Variants in TMEM163 observed in about 807,000 individuals in gnomAD.
TMEM163 encodes transmembrane protein 163.
Under a neutral mutation model 29.3 loss-of-function variants are expected in TMEM163, and 17 were observed. The ratio of observed to expected loss-of-function variants is 0.58; its 90% CI spans 0.40 to 0.87. The LOEUF (loss-of-function observed/expected upper bound fraction) is 0.87. TMEM163 is among the 40% of genes least tolerant of loss of function. The pLI is 0.00. For missense variants in TMEM163, 303 were observed against 381.5 expected, an observed-to-expected ratio of 0.79 and a Z score of 1.71; for synonymous variants, 157 against 160.6, an observed-to-expected ratio of 0.98 and a Z score of 0.17.
chr2:134,567,552 A>G (rs1486365232), intron 2 of TMEM163, among the ~76,000 whole-genome samples: 4 of 152,080 alleles, frequency 2.6e-5, no homozygotes, highest in Non-Finnish European at 5.9e-5. Flanking sequence ...TTAGCCGAGT[A>G]TGGTGGCACA....
chr2:134,691,420 A>G (rs1574342467), intron 2 of TMEM163, among the ~76,000 whole-genome samples: 2 of 152,328 alleles, frequency 1.3e-5, no homozygotes, highest in Middle Eastern at 3.4e-3. Flanking sequence ...TTTCTCAGCC[A>G]TGAAGCTGAT....
At chr2:134,482,216 A>G (rs1030891006) in intron 5 of TMEM163, among the ~76,000 whole-genome samples, 1 of 152,132 alleles carries the variant, frequency 6.6e-6, no homozygotes. Flanking sequence ...GGTGTTGCTC[A>G]CAGAAAAACC....
chr2:134,516,212 G>T (rs1176584561), intron 4 of TMEM163, among the ~76,000 whole-genome samples: 1 of 152,116 alleles, frequency 6.6e-6, no homozygotes, highest in Non-Finnish European at 1.5e-5. Context: ...TAAATAAGAT[G>T]GGTAGGCACA....
At chr2:134,549,794 C>T (rs577543548) in intron 4 of TMEM163, among the ~76,000 whole-genome samples, 306 of 152,290 alleles carry the variant, frequency 2.0e-3, no homozygotes, top group Admixed American at 3.9e-3. Flanking sequence ...ATACATATAA[C>T]TGCATGCACA....
chr2:134,526,231 CT>C (rs1179799503), intron 4 of TMEM163, among the ~76,000 whole-genome samples: 1 of 152,170 alleles, frequency 6.6e-6, no homozygotes, highest in Non-Finnish European at 1.5e-5. Context: ...GGAGTTTTTC[CT>C]TCTTTTTAAT....
At chr2:134,541,772 G>GCACACACA (rs57326163) in intron 4 of TMEM163, among the ~76,000 whole-genome samples, 1 of 149,990 alleles carries the variant, frequency 6.7e-6, no homozygotes, top group Non-Finnish European at 1.5e-5. Flanking sequence ...GTACACACGT[G>GCACACACA]CACACACACA....
chr2:134,645,451 C>G (rs1683314747), intron 2 of TMEM163, among the ~76,000 whole-genome samples: 1 of 152,176 alleles, frequency 6.6e-6, no homozygotes, highest in African/African-American at 2.4e-5. Flanking sequence ...TGGCCCTTTA[C>G]AGAAAAAGTT....
intron 4 of TMEM163, among the ~76,000 whole-genome samples, chr2:134,536,024 T>C (rs547907124): frequency 1.3e-5 from 2 of 152,254 alleles, no homozygotes; most frequent in East Asian, 3.9e-4. Flanking sequence ...CGCCCAGCCT[T>C]GTTTGTATGT....
Position 134,629,456 on chromosome 2 carries a change from T to C in TMEM163, c.323-77365A>G, listed in dbSNP as rs1285262632. 2.6e-5 allele frequency among the ~76,000 whole-genome samples: 4 copies of C among 152,214 alleles called. No homozygotes were observed. The East Asian group carries it at 7.7e-4, about 29-fold the overall frequency. ...TGTAACAGTATTAATATATTAATGATATAATTTTTGTAGATTAGAAGATCT... is the reference window on the plus strand; with the variant it reads ...TGTAACAGTATTAATATATTAATGACATAATTTTTGTAGATTAGAAGATCT... On this transcript the variant is annotated intron_variant, in intron 2 of 7. Transcript: ENST00000281924.
At chr2:134,474,709 G>C (rs142020687) in intron 5 of TMEM163, among the ~76,000 whole-genome samples, 1 of 152,112 alleles carries the variant, frequency 6.6e-6, no homozygotes, top group Non-Finnish European at 1.5e-5. Flanking sequence ...AAACTCAACT[G>C]TATTTCTGTA....
chr2:134,500,931 A>G (rs1039120839), intron 5 of TMEM163, among the ~76,000 whole-genome samples: 2 of 152,200 alleles, frequency 1.3e-5, no homozygotes, highest in Non-Finnish European at 2.9e-5. Context: ...GTGAACAATA[A>G]TATACTATAT....
rs576512387 is a variant in TMEM163 at position 134,530,475 on chromosome 2, C to T, written c.458+20095G>A. 2.6e-4 allele frequency among the ~76,000 whole-genome samples: 39 copies of T among 152,246 alleles called. 1 individual carries two copies. In the East Asian group the frequency reaches 6.8e-3, roughly 26 times the overall value. On this transcript the variant is annotated intron_variant, in intron 4 of 7. Transcript: ENST00000281924. ...CATTTTTTGTAGAGACAGGGTCTCA[C>T]TGTGTTGCCCAGACTGGTCTCAAAC... is the stretch of plus-strand genomic sequence containing the variant.
chr2:134,701,369 C>G (rs1229647009), intron 2 of TMEM163, among the ~76,000 whole-genome samples: 1 of 152,124 alleles, frequency 6.6e-6, no homozygotes, highest in Admixed American at 6.5e-5. Flanking sequence ...TCAGGACACC[C>G]AATAAAACAG....
chr2:134,700,941 A>AATAAATAAATAAATAAATACATAAATAC (rs371684167), intron 2 of TMEM163, among the ~76,000 whole-genome samples: 247 of 146,410 alleles, frequency 1.7e-3, no homozygotes, highest in Admixed American at 2.6e-3. Context: ...TAAATAAATA[A>AATAAATAAATAAATAAATACATAAATAC]ATAAATAAAG....
chr2:134,716,391 G>C (rs73958807), intron 1 of TMEM163, among the ~76,000 whole-genome samples: 2 of 152,098 alleles, frequency 1.3e-5, no homozygotes, highest in African/African-American at 4.8e-5. Flanking sequence ...TTTCTAAGGC[G>C]CAAATGCCTC....
At chr2:134,513,769 T>C (rs986421678) in intron 4 of TMEM163, among the ~76,000 whole-genome samples, 24 of 152,144 alleles carry the variant, frequency 1.6e-4, no homozygotes, top group Admixed American at 6.5e-5. Flanking sequence ...GCACCCCACC[T>C]GGAACCCAGG....
At chr2:134,594,851 G>GTCTCTCTCTCTC (rs70973456) in intron 2 of TMEM163, among the ~76,000 whole-genome samples, 2 of 147,958 alleles carry the variant, frequency 1.4e-5, no homozygotes, top group African/African-American at 5.0e-5. Context: ...GAGACCTTGA[G>GTCTCTCTCTCTC]TCTCTCTCTC....
At chr2:134,564,224 C>A (rs542736527) in intron 2 of TMEM163, among the ~76,000 whole-genome samples, 2 of 152,256 alleles carry the variant, frequency 1.3e-5, no homozygotes, top group South Asian at 4.2e-4. Flanking sequence ...CAAAAGAAGA[C>A]CCACACAGAT....
chr2:134,634,441 A>AG (rs1434494112), intron 2 of TMEM163, among the ~76,000 whole-genome samples: 4 of 152,330 alleles, frequency 2.6e-5, no homozygotes, highest in African/African-American at 9.6e-5. Flanking sequence ...GGTACCATGA[A>AG]CAATAATTCA....
Sources: gnomAD v4.1 joint callset for allele counts (sites outside exome capture counted in the v4.1 genomes callset) on GRCh38, gnomAD v4.1.1 for gene constraint, MANE v1.5 for transcripts, NCBI Gene and HGNC (gene_info 2026-07-23, HGNC 2026-07-21) for gene names.